The following TAOK2 variants were observed in gnomAD, a reference collection of about 807,000 sequenced individuals.
The protein encoded by TAOK2 is TAO kinase 2.
A neutral mutation model predicts 122.5 loss-of-function variants in TAOK2; 42 were observed. The ratio of observed to expected loss-of-function variants is 0.34; its 90% CI spans 0.27 to 0.44. The LOEUF is 0.44. Ranked by LOEUF, TAOK2 falls within the 20% of genes least tolerant of loss-of-function variation. The pLI is 1.00. For synonymous variants in TAOK2, 704 were observed against 677.6 expected (o/e 1.04, Z -0.61); for missense variants, 1,264 against 1,644.9 (o/e 0.77, Z 4.01).
Position 29,986,273 on chromosome 16 carries a change from C to A in TAOK2, c.2001C>A (p.Asn667Lys), listed in dbSNP as rs773248587. Residue 667 changes from asparagine (N) to lysine (K), a missense_variant, in exon 16 of 16, where the codon AAC becomes AAA. By Grantham distance (94) the Asn-to-Lys change is moderately conservative. Around this residue, in one of 4 missense-constraint regions of TAOK2, gnomAD observed 824 missense variants for 908.7 expected, o/e 0.91. Coordinates refer to ENST00000308893, the MANE Select transcript of TAOK2 (RefSeq NM_016151.4). The surrounding 1 kb of genome is among the most constrained non-coding windows in gnomAD (Gnocchi z 4.2). ...LDQDLLREDL[N>K]KKQTQKDLEC... ...CATTTCTTCTGCCTCAGGACCTGAA[C>A]AAGAAGCAGACCCAGAAGGACTTGG... The A allele has an allele frequency of 5.3e-6, 8 of 1,516,290 alleles. No homozygotes were observed. In the Admixed American group the frequency reaches 1.8e-4, roughly 34 times the overall value. The allele number at this position is 1,516,290 out of a possible 1,614,324, so 93.9% of individuals were successfully genotyped here.
At position 29,983,116 on chromosome 16, in the gene TAOK2, C is replaced by A. The variant is rs752702244; in HGVS notation, c.1044C>A (p.Leu348=). 2 of 1,613,960 alleles carry A rather than the reference C, an allele frequency of 1.2e-6. No individual in the cohort carries two copies. Among genetic ancestry groups the A allele is most frequent in the African/African-American group, 2.7e-5 (2 of 74,880 alleles). ...ACCGGGCCGGGACTCTGACCAGCCT[C>A]GAGAGTAGCCACTCAGTGCCCAGCA... The part of the protein sequence containing the change: ...YMHRAGTLTS[L]ESSHSVPSMS... The change falls in exon 12 of 16, where the codon CTC becomes CTA. Residue 348 remains leucine (L), a synonymous_variant. Transcript: ENST00000308893.
chr16:29,981,483 G>C, intron 8 of TAOK2, 178 bp from the exon 9 acceptor site: 1 of 681,746 alleles, frequency 1.5e-6, no homozygotes, highest in South Asian at 1.6e-5. Context: ...GAGGATGGGT[G>C]TTGTATTTTA....
At chr16:29,983,890 T>G (rs2150896649) in intron 13 of TAOK2, among the ~76,000 whole-genome samples, 1 of 152,286 alleles carries the variant, frequency 6.6e-6, no homozygotes, top group African/African-American at 2.4e-5. Context: ...TGGCAAACTC[T>G]TACTCCGTTT....
At position 29,983,259 on chromosome 16, in the gene TAOK2, C is replaced by T. The variant is rs1596606875; in HGVS notation, c.1187C>T (p.Ala396Val). 2 of 1,608,700 alleles carry T rather than the reference C, an allele frequency of 1.2e-6. No homozygotes were observed. Among genetic ancestry groups the T allele is most frequent in the Non-Finnish European group, 1.7e-6 (2 of 1,179,886 alleles). ...EEEEEEEGPE[A>V]REMAMMQEGE... is the part of the protein sequence containing the mutation. ...GAGGAGGAGGAAGAAGGCCCTGAAG[C>T]CCGGGAGATGGCCATGATGCAGGAG... The change falls in exon 12 of 16, where the codon GCC becomes GTC. Residue 396 changes from alanine (A) to valine (V), a missense_variant. Coordinates refer to ENST00000308893, the MANE Select transcript of TAOK2 (RefSeq NM_016151.4).
downstream of TAOK2, chr16:29,988,858 T>C: frequency 1.0e-6 from 1 of 985,210 alleles, no homozygotes; most frequent in Non-Finnish European, 1.2e-6. Flanking sequence ...GGATTGAGTG[T>C]GGGCCTGGAG....
At position 29,985,688 on chromosome 16, in the gene TAOK2, C is replaced by G; in HGVS notation, c.1819C>G (p.Arg607Gly). ...ELQENPSTPK[R>G]EKAEWLLRQK... ...CCAGGAGAACCCCAGCACTCCCAAG[C>G]GGGAGAAGGCCGAGTGGCTGCTGCG... The change falls in exon 15 of 16, where the codon CGG becomes GGG. Residue 607 changes from arginine (R) to glycine (G), a missense_variant. By Grantham distance (125) the Arg-to-Gly change is moderately radical. Transcript: ENST00000308893. The surrounding 1 kb of genome is among the most constrained non-coding windows in gnomAD (Gnocchi z 6.9). 1 of 1,607,850 alleles carries G rather than the reference C, an allele frequency of 6.2e-7. No individual in the cohort carries two copies. Among genetic ancestry groups the G allele is most frequent in the South Asian group, 1.1e-5 (1 of 90,316 alleles).
chr16:29,978,210 A>G, intron 3 of TAOK2, 42 bp from the exon 4 acceptor site: 1 of 1,613,864 alleles, frequency 6.2e-7, no homozygotes, highest in Non-Finnish European at 8.5e-7. Flanking sequence ...CTCCTGTCTC[A>G]AGATGCAAGC....
chr16:29,989,741 G>A (rs774434369), downstream of TAOK2: 2 of 1,613,828 alleles, frequency 1.2e-6, no homozygotes, highest in South Asian at 1.1e-5. Flanking sequence ...GAGCAGACCC[G>A]CAAGCTGGCG....
downstream of TAOK2, chr16:29,991,320 C>A: frequency 1.2e-6 from 2 of 1,608,234 alleles, no homozygotes; most frequent in Non-Finnish European, 1.7e-6. This position sits in a 1 kb window ranked among gnomAD's most constrained non-coding sequence, Gnocchi z 5.6. Flanking sequence ...TCCAGCCTGG[C>A]GTCAGCCGTC....
Position 29,987,671 on chromosome 16 carries a change from G to A in TAOK2, c.3399G>A (p.Arg1133=). 6.2e-7 allele frequency: 1 copy of A among 1,613,904 alleles called. No homozygotes were observed. The highest frequency in any genetic ancestry group is 1.1e-5 in the South Asian group (1 of 91,082). Residue 1133 remains arginine, a synonymous_variant, in exon 16 of 16, where the codon CGG becomes CGA. Transcript: ENST00000308893. The part of the protein sequence containing the change: ...FRSRLPVPGP[R]RRNPRTTQHP... ...GCCGCCTGCCCGTCCCTGGGCCCCGGCGGCGTAATCCCCGCACCACCCAAC... is the reference window on the plus strand; with the variant it reads ...GCCGCCTGCCCGTCCCTGGGCCCCGACGGCGTAATCCCCGCACCACCCAAC...
Position 29,987,367 on chromosome 16 carries a change from T to C in TAOK2, c.3095T>C (p.Leu1032Pro), listed in dbSNP as rs1222316235. The change falls in exon 16 of 16, where the codon CTG (leucine) becomes CCG (proline). Residue 1032 changes from leucine to proline, a missense_variant. Transcript: ENST00000308893. Reference protein sequence around the residue: ...QGTALGAVLGLSWRRGLMGVP... With the variant: ...QGTALGAVLGPSWRRGLMGVP... ...ACCGCACTGGGGGCCGTCCTGGGCC[T>C]GAGCTGGCGCCGAGGCCTCATGGGT... 2 of 1,595,118 alleles carry C rather than the reference T, an allele frequency of 1.3e-6. No individual in the cohort carries two copies.
chr16:29,987,039 T>C lies in TAOK2; in HGVS notation c.2767T>C (p.Ser923Pro), dbSNP rs1348147264. 1 of 1,611,570 alleles carries C rather than the reference T, an allele frequency of 6.2e-7. No homozygotes were observed. Among genetic ancestry groups the C allele is most frequent in the South Asian group, 1.1e-5 (1 of 90,800 alleles). ...TPRDPGDGCP[S>P]PDIPPEPPPT... is the part of the protein sequence containing the mutation. ...TAGGGATCCTGGAGATGGTTGTCCT[T>C]CCCCCGACATCCCTCCTGAACCCCC... The change falls in exon 16 of 16, where the codon TCC becomes CCC. Residue 923 changes from serine to proline, a missense_variant. Ser to Pro is a moderately conservative substitution (Grantham distance 74, BLOSUM62 -1). This residue lies in a region of TAOK2 where 824 missense variants were observed against 908.7 expected (regional missense o/e 0.91). Coordinates refer to ENST00000308893, the MANE Select transcript of TAOK2 (RefSeq NM_016151.4).
In TAOK2 at chr16:29,985,747, G is replaced by A. The variant is rs1380221156; in HGVS notation, c.1878G>A (p.Glu626=). The A allele has an allele frequency of 6.2e-7, 1 of 1,611,274 alleles. No individual in the cohort carries two copies. The highest frequency in any genetic ancestry group is 8.5e-7 in the Non-Finnish European group (1 of 1,179,478). The change falls in exon 15 of 16, where the codon GAG becomes GAA. Residue 626 remains glutamate, a synonymous_variant. Transcript: ENST00000308893. The surrounding 1 kb of genome is among the most constrained non-coding windows in gnomAD (Gnocchi z 6.9). ...AGCAGCTCCAGCAGTGCCAGGCGGA[G>A]GAGGAAGCAGGGCTGCTGCGGCGGC... ...QKEQLQQCQA[E]EEAGLLRRQR...
rs200539809 is a variant in TAOK2, at chr16:29,987,590, G to C, written c.3318G>C (p.Val1106=). The change falls in exon 16 of 16, where the codon GTG becomes GTC. Residue 1106 remains valine, a synonymous_variant. Transcript: ENST00000308893. ...AFRALQGCGA[V]GDRGLFALYP... ...GGGCCCTGCAGGGCTGTGGGGCTGT[G>C]GGGGACCGGGGTCTGTTTGCACTGT... 5.0e-6 allele frequency: 8 copies of C among 1,612,396 alleles called. No individual in the cohort carries two copies. Among genetic ancestry groups the C allele is most frequent in the Non-Finnish European group, 6.8e-6 (8 of 1,179,000 alleles).
In TAOK2 at chr16:29,985,799, C is replaced by A; in HGVS notation, c.1930C>A (p.Arg644Ser). 1 of 1,611,832 alleles carries A rather than the reference C, an allele frequency of 6.2e-7. No homozygotes were observed. Among genetic ancestry groups the A allele is most frequent in the Non-Finnish European group, 8.5e-7 (1 of 1,179,872 alleles). The change falls in exon 15 of 16, where the codon CGC (arginine) becomes AGC (serine). Residue 644 changes from arginine (R) to serine (S), a missense_variant. By Grantham distance (110) the Arg-to-Ser change is moderately radical (BLOSUM62 -1). Coordinates refer to ENST00000308893, the MANE Select transcript of TAOK2 (RefSeq NM_016151.4). This position sits in a 1 kb window ranked among gnomAD's most constrained non-coding sequence, Gnocchi z 6.9. Reference protein sequence around the residue: ...RQRQYFELQCRQYKRKMLLAR... With the variant: ...RQRQYFELQCSQYKRKMLLAR... ...GCGCCAGTACTTTGAGCTGCAGTGT[C>A]GCCAGTACAAGCGCAAGATGTTGCT...
rs775298762 is a variant in TAOK2, at chr16:29,987,480, G to T, written c.3208G>T (p.Val1070Leu). ...GGCTATGGCAGCGGGGGGCAGATGG[G>T]TGCGGCAGCAGGGCCCCCGGGTGCG... ...LVAMAAGGRW[V>L]RQQGPRVRRG... The change falls in exon 16 of 16, where the codon GTG (valine) becomes TTG (leucine). Residue 1070 changes from valine to leucine, a missense_variant. Coordinates refer to ENST00000308893, the MANE Select transcript of TAOK2 (RefSeq NM_016151.4). 1.3e-6 allele frequency: 2 copies of T among 1,594,286 alleles called. No individual in the cohort carries two copies. Among genetic ancestry groups the T allele is most frequent in the Non-Finnish European group, 1.7e-6 (2 of 1,169,016 alleles).
At chr16:29,988,971 G>C, downstream of TAOK2, 3 of 985,288 alleles carry the variant, frequency 3.0e-6, no homozygotes, top group Non-Finnish European at 3.6e-6. Flanking sequence ...CACCTCCTTT[G>C]CCCCTTTCTC....
downstream of TAOK2, chr16:29,989,374 C>A: frequency 3.0e-6 from 3 of 985,254 alleles, no homozygotes; most frequent in Non-Finnish European, 2.4e-6. Context: ...TCAACACGAT[C>A]CCACCTCTCC....
At position 29,987,569 on chromosome 16, in the gene TAOK2, CCTGCAGGG is replaced by C. The variant is rs756108079; in HGVS notation, c.3301_3308del (p.Gln1101TrpfsTer33). 10 of 1,612,570 alleles carry C rather than the reference CCTGCAGGG, an allele frequency of 6.2e-6. No homozygotes were observed. The highest frequency in any genetic ancestry group is 1.1e-5 in the South Asian group (1 of 90,976). On this transcript the variant is annotated frameshift_variant, in exon 16 of 16. Coordinates refer to ENST00000308893, the MANE Select transcript of TAOK2 (RefSeq NM_016151.4). LOFTEE classifies it high-confidence loss of function. ...GCCTGTCACCCATGGCCTTCCGGGCCCTGCAGGGCTGTGGGGCTGTGGGGGACCGGGGT... is the reference window on the plus strand; with the variant it reads ...GCCTGTCACCCATGGCCTTCCGGGCCCTGTGGGGCTGTGGGGGACCGGGGT...
Sources: gnomAD v4.1 joint callset for allele counts (sites outside exome capture counted in the v4.1 genomes callset) on GRCh38, gnomAD v4.1.1 for gene constraint, gnomAD v4.1.1 regional missense constraint, Gnocchi (gnomAD v3.1) non-coding constraint, MANE v1.5 for transcripts, NCBI Gene and HGNC (gene_info 2026-07-23, HGNC 2026-07-21) for gene names.